The following NOL11 variants were observed in gnomAD, a reference collection of about 807,000 sequenced individuals.
NOL11 encodes nucleolar protein 11.
In NOL11, 42 loss-of-function variants were observed where a neutral mutation model predicts 93.0. That is an observed-to-expected ratio of 0.45 (90% CI 0.35 to 0.58). The LOEUF (loss-of-function observed/expected upper bound fraction) is 0.58, where lower values mean the gene tolerates loss of function less well. Ranked by LOEUF, NOL11 falls within the 20% of genes least tolerant of loss-of-function variation. The pLI, the probability that NOL11 is intolerant of heterozygous loss-of-function variation, is 0.00. For missense variants in NOL11, 775 were observed against 841.8 expected (o/e 0.92, Z 0.98); for synonymous variants, 296 against 293.7 (o/e 1.01, Z -0.08).
chr17:67,722,771 A>C, intron 5 of NOL11, 134 bp downstream of exon 5: 1 of 1,231,456 alleles, frequency 8.1e-7, no homozygotes, highest in Non-Finnish European at 1.1e-6. Flanking sequence ...TGCAGCCTCA[A>C]CCTCCTGGCT....
chr17:67,721,385 C>A lies in NOL11; in HGVS notation c.320C>A (p.Ala107Glu). The change falls in exon 4 of 18, where the codon GCA becomes GAA. Residue 107 changes from alanine to glutamate, a missense_variant. Ala to Glu is a moderately radical substitution (Grantham distance 107). This residue lies in a region of NOL11 where 359 missense variants were observed against 316.5 expected (regional missense o/e 1.13). Transcript: ENST00000253247. ...LDKVFKATLS[A>E]EVYRILSVQG... ...TTTTTTATGTTCTTCCAGTTGTCAG[C>A]AGAAGTATATAGGATACTTTCAGTG... 6.5e-7 allele frequency: 1 copy of A among 1,537,032 alleles called. No individual in the cohort carries two copies. The highest frequency in any genetic ancestry group is 8.7e-7 in the Non-Finnish European group (1 of 1,146,626).
chr17:67,730,100 A>C (rs1197423970), intron 7 of NOL11, among the ~76,000 whole-genome samples: 1 of 152,018 alleles, frequency 6.6e-6, no homozygotes, highest in Non-Finnish European at 1.5e-5. Flanking sequence ...ATTCCTTTTC[A>C]TGGTAGAGTA....
At chr17:67,737,403 A>G in intron 11 of NOL11, 105 bp from the exon 12 acceptor site, 3 of 955,858 alleles carry the variant, frequency 3.1e-6, no homozygotes, top group South Asian at 3.3e-5. Flanking sequence ...GCAGGAATGC[A>G]TGATAACTGT....
At chr17:67,729,252 A>G (rs925997017) in intron 7 of NOL11, among the ~76,000 whole-genome samples, 3 of 151,718 alleles carry the variant, frequency 2.0e-5, no homozygotes, top group African/African-American at 7.3e-5. Context: ...GTGCCACCAC[A>G]CTTGGCTAAT....
At chr17:67,729,420 A>G (rs1420649491) in intron 7 of NOL11, among the ~76,000 whole-genome samples, 2 of 151,530 alleles carry the variant, frequency 1.3e-5, no homozygotes, top group Admixed American at 6.6e-5. Context: ...CACCTGGCCA[A>G]CGTCTTGTTT....
chr17:67,720,850 T>C (rs936983464), intron 3 of NOL11, among the ~76,000 whole-genome samples: 5 of 152,260 alleles, frequency 3.3e-5, no homozygotes, highest in African/African-American at 1.2e-4. Flanking sequence ...CCTGGATCCT[T>C]GAAACTTCTA....
At chr17:67,732,823 C>T (rs1478138129) in intron 7 of NOL11, among the ~76,000 whole-genome samples, 1 of 151,544 alleles carries the variant, frequency 6.6e-6, no homozygotes, top group Admixed American at 6.6e-5. Flanking sequence ...ATATGTCTGT[C>T]TCGGCCTCCC....
intron 7 of NOL11, among the ~76,000 whole-genome samples, chr17:67,728,062 C>T (rs981954851): frequency 2.0e-5 from 3 of 152,212 alleles, no homozygotes; most frequent in African/African-American, 7.2e-5. Context: ...AGATCAAGAC[C>T]ATCCTGGCTA....
Position 67,736,026 on chromosome 17 carries a change from A to G in NOL11, c.1054+3A>G. The G allele has an allele frequency of 6.2e-7, 1 of 1,604,160 alleles. No individual in the cohort carries two copies. Among genetic ancestry groups the G allele is most frequent in the Non-Finnish European group, 8.5e-7 (1 of 1,176,552 alleles). ...ACTCAAGCATAGTCAAGATCCAGGT[A>G]GAAACTTACTTCTGTTTGTTTTATT... On this transcript the variant is annotated splice_donor_region_variant and intron_variant, in intron 9 of 17. Coordinates refer to ENST00000253247, the MANE Select transcript of NOL11 (RefSeq NM_015462.5).
intron 7 of NOL11, among the ~76,000 whole-genome samples, chr17:67,730,813 G>C (rs945050585): frequency 6.6e-6 from 1 of 152,110 alleles, no homozygotes; most frequent in Non-Finnish European, 1.5e-5. Flanking sequence ...TACTCTTTTC[G>C]TTGTTGATTG....
At chr17:67,733,344 G>A (rs1264839856) in intron 7 of NOL11, among the ~76,000 whole-genome samples, 2 of 152,146 alleles carry the variant, frequency 1.3e-5, no homozygotes, top group African/African-American at 2.4e-5. Context: ...CAGCCTGGGC[G>A]ACAGAGTAAG....
Position 67,734,434 on chromosome 17 carries a change from G to A in NOL11, c.925G>A (p.Gly309Ser). 1 of 1,594,320 alleles carries A rather than the reference G, an allele frequency of 6.3e-7. No individual in the cohort carries two copies. The highest frequency in any genetic ancestry group is 8.6e-7 in the Non-Finnish European group (1 of 1,163,550). ...TSKELPQGTS[G>S]QLWYYGEHLF... Reference sequence around the variant, plus strand: ...AAAAGAGTTACCACAAGGGACCAGTGGTCAAGTAAGTTTTTTCACTTGAGT... The same window carrying A: ...AAAAGAGTTACCACAAGGGACCAGTAGTCAAGTAAGTTTTTTCACTTGAGT... The change falls in exon 8 of 18, where the codon GGT (glycine) becomes AGT (serine). Residue 309 changes from glycine (G) to serine (S), a missense_variant. Coordinates refer to ENST00000253247, the MANE Select transcript of NOL11 (RefSeq NM_015462.5).
intron 7 of NOL11, among the ~76,000 whole-genome samples, chr17:67,730,212 T>TTC (rs1315726155): frequency 6.6e-6 from 1 of 152,232 alleles, no homozygotes; most frequent in Admixed American, 6.5e-5. Context: ...ACTATGAACA[T>TTC]TCGTGTGCAT....
intron 16 of NOL11, chr17:67,743,260 C>T: frequency 3.0e-6 from 1 of 331,108 alleles, no homozygotes; most frequent in Non-Finnish European, 5.5e-6. Flanking sequence ...ATAGCAAGAT[C>T]CCATCTCTAA....
At position 67,738,922 on chromosome 17, in the gene NOL11, T is replaced by C. The variant is rs766036588; in HGVS notation, c.1764-10T>C. ...TATTTGTTGAAGTACGATTTTCCTT[T>C]AGTCCTAAGTAATGCAATTCTTCAT... is the stretch of plus-strand genomic sequence containing the variant. On this transcript the variant is annotated splice_polypyrimidine_tract_variant and intron_variant, in intron 14 of 17. Transcript: ENST00000253247. 3 of 1,578,350 alleles carry C rather than the reference T, an allele frequency of 1.9e-6. No homozygotes were observed. The highest frequency in any genetic ancestry group is 1.7e-4 in the Middle Eastern group (1 of 5,958).
At chr17:67,740,447 T>C (rs749124818) in intron 16 of NOL11, among the ~76,000 whole-genome samples, 7 of 151,570 alleles carry the variant, frequency 4.6e-5, no homozygotes, top group Non-Finnish European at 8.8e-5. Flanking sequence ...CCGTCTCTAC[T>C]AAAAATACAA....
chr17:67,739,897 G>T (rs930187757), intron 16 of NOL11, among the ~76,000 whole-genome samples: 8 of 152,180 alleles, frequency 5.3e-5, no homozygotes, highest in Non-Finnish European at 1.2e-4. Flanking sequence ...GGAGACAACA[G>T]GAAGGGGCTG....
chr17:67,720,711 A>G (rs374274941), intron 3 of NOL11, among the ~76,000 whole-genome samples: 1 of 152,154 alleles, frequency 6.6e-6, no homozygotes, highest in African/African-American at 2.4e-5. Context: ...ATTTTTTCTT[A>G]CTTATAAAAT....
intron 7 of NOL11, among the ~76,000 whole-genome samples, chr17:67,729,615 G>A (rs1266779206): frequency 6.6e-6 from 1 of 151,116 alleles, no homozygotes; most frequent in Non-Finnish European, 1.5e-5. Flanking sequence ...GTCTTGCTCT[G>A]TCTCCCAGGC....
Sources: allele counts gnomAD v4.1 joint callset (sites outside exome capture counted in the v4.1 genomes callset), GRCh38; gene constraint gnomAD v4.1.1; regional missense constraint gnomAD v4.1.1; transcripts MANE v1.5; gene names NCBI Gene and HGNC (gene_info 2026-07-23, HGNC 2026-07-21).